The following E2F2 variants were observed in gnomAD, a reference collection of about 807,000 sequenced individuals.
E2F2 encodes E2F transcription factor 2.
E2F2 carries 22 observed loss-of-function variants against 42.2 expected under a neutral mutation model. The observed-to-expected ratio is 0.52, with a 90% CI of 0.37 to 0.74. The LOEUF (loss-of-function observed/expected upper bound fraction) is 0.74, where lower values mean the gene tolerates loss of function less well. Ranked by LOEUF, E2F2 falls within the 30% of genes least tolerant of loss-of-function variation. E2F2 has a pLI of 0.00. For missense variants in E2F2, 481 were observed against 557.8 expected, an observed-to-expected ratio of 0.86 and a Z score of 1.39; for synonymous variants, 248 against 251.6, an observed-to-expected ratio of 0.99 and a Z score of 0.13.
intron 5 of E2F2, among the ~76,000 whole-genome samples, chr1:23,518,744 G>T (rs1023467195): frequency 7.9e-5 from 12 of 152,218 alleles, no homozygotes; most frequent in Non-Finnish European, 1.5e-4. Context: ...ACGTGGGCAT[G>T]AGTGTGCATG....
intron 5 of E2F2, among the ~76,000 whole-genome samples, chr1:23,516,850 GCAGC>G (rs1230989163): frequency 6.7e-6 from 1 of 149,652 alleles, no homozygotes; most frequent in Non-Finnish European, 1.5e-5. Context: ...AGCTTGTGAC[GCAGC>G]CAGGAAAGTT....
chr1:23,524,114 C>T (rs1305765509), intron 2 of E2F2, among the ~76,000 whole-genome samples: 7 of 135,318 alleles, frequency 5.2e-5, no homozygotes, highest in Admixed American at 5.1e-4. Context: ...CAAAAAAAAA[C>T]ACAGAAGTAA....
intron 5 of E2F2, among the ~76,000 whole-genome samples, chr1:23,518,629 G>C (rs1643074058): frequency 6.6e-6 from 1 of 152,086 alleles, no homozygotes; most frequent in Admixed American, 6.6e-5. Flanking sequence ...GTCAGCTGGG[G>C]TCTCAGAGCA....
chr1:23,524,625 A>C (rs1053823150), intron 1 of E2F2, 137 bp from the exon 2 acceptor site: 2 of 645,546 alleles, frequency 3.1e-6, no homozygotes, highest in Admixed American at 3.0e-5. Context: ...CTGGTGAAGC[A>C]CTGCTGTACT....
In E2F2 at chr1:23,521,602, C is replaced by T. The variant is rs555301088; in HGVS notation, c.578+235G>A. The T allele has an allele frequency of 5.1e-6, 5 of 984,508 alleles. No individual in the cohort carries two copies. In the Admixed American group the frequency reaches 1.9e-4, roughly 36 times the overall value. 61.0% of individuals were successfully genotyped at this position (984,508 alleles called of 1,614,324 possible). ...AGATGTCATTCTCCACTCTGCCCCGCATCACGTTCTCCGATTACTTCAGCA... is the reference window on the plus strand; with the variant it reads ...AGATGTCATTCTCCACTCTGCCCCGTATCACGTTCTCCGATTACTTCAGCA... On this transcript the variant is annotated intron_variant, in intron 3 of 6. Transcript: ENST00000361729.
chr1:23,513,760 C>T (rs1234800952), intron 6 of E2F2, among the ~76,000 whole-genome samples: 1 of 152,012 alleles, frequency 6.6e-6, no homozygotes, highest in East Asian at 1.9e-4. Flanking sequence ...GAGCTGGCCC[C>T]ACCAGACTGC....
chr1:23,510,240 C>T (rs1450062876), intron 6 of E2F2, 92 bp from the exon 7 acceptor site: 5 of 1,436,092 alleles, frequency 3.5e-6, no homozygotes, highest in Admixed American at 2.8e-5. Flanking sequence ...ATGACTGCAC[C>T]CTTCTTCTCT....
rs1642871152 is a variant in E2F2, at chr1:23,509,789, T to C, written c.*91A>G. 6.9e-7 allele frequency: 1 copy of C among 1,451,384 alleles called. No individual in the cohort carries two copies. Among genetic ancestry groups the C allele is most frequent in the Non-Finnish European group, 9.1e-7 (1 of 1,099,332 alleles). 89.9% of individuals were successfully genotyped at this position (1,451,384 alleles called of 1,614,324 possible). On this transcript the variant is annotated 3_prime_UTR_variant, in exon 7 of 7. Coordinates refer to ENST00000361729, the MANE Select transcript of E2F2 (RefSeq NM_004091.4). ...CCCATGCCCTGAGGGCAGCACCTAG[T>C]GTCCAATGTCCCTGTGCAGGCAGAG...
At chr1:23,520,316 T>C (rs1021831782) in intron 4 of E2F2, among the ~76,000 whole-genome samples, 9 of 149,262 alleles carry the variant, frequency 6.0e-5, no homozygotes, top group South Asian at 4.2e-4. Context: ...TACAACTATA[T>C]TGAAATAAAA....
intron 3 of E2F2, 175 bp downstream of exon 3, chr1:23,521,662 C>T (rs1431564323): frequency 1.0e-6 from 1 of 985,332 alleles, no homozygotes; most frequent in Non-Finnish European, 1.2e-6. Flanking sequence ...TACATTGGCT[C>T]TACCCCCAGC....
At position 23,522,026 on chromosome 1, in the gene E2F2, T is replaced by C. The variant is rs1367486313; in HGVS notation, c.389A>G (p.Tyr130Cys). 4 of 1,614,008 alleles carry C rather than the reference T, an allele frequency of 2.5e-6. No individual in the cohort carries two copies. Among genetic ancestry groups the C allele is most frequent in the Non-Finnish European group, 3.4e-6 (4 of 1,180,034 alleles). ...TPKSPGEKTRYDTSLGLLTKK... is the reference protein window; with the variant it reads ...TPKSPGEKTRCDTSLGLLTKK... ...GGTGAGCAGCCCCAGCGAAGTGTCATACCGAGTCTTCTCCCCGGGGGATTT... is the reference window on the plus strand; with the variant it reads ...GGTGAGCAGCCCCAGCGAAGTGTCACACCGAGTCTTCTCCCCGGGGGATTT... The change falls in exon 3 of 7, where the codon TAT (tyrosine) becomes TGT (cysteine). Residue 130 changes from tyrosine (Y) to cysteine (C), a missense_variant. By Grantham distance (194) the Tyr-to-Cys change is radical. Transcript: ENST00000361729.
intron 3 of E2F2, 199 bp downstream of exon 3, chr1:23,521,638 G>C (rs937468546): frequency 2.0e-6 from 2 of 985,384 alleles, no homozygotes; most frequent in Non-Finnish European, 2.4e-6. Context: ...GGTACACGGC[G>C]CTCTTCCTCA....
At chr1:23,515,404 C>G (rs186163206) in intron 6 of E2F2, among the ~76,000 whole-genome samples, 7 of 152,282 alleles carry the variant, frequency 4.6e-5, no homozygotes, top group Admixed American at 3.9e-4. Context: ...GCCCCTTCTT[C>G]GATTTGATCT....
rs376853137 is a variant in E2F2, at chr1:23,524,385, T to C, written c.356A>G (p.Lys119Arg). The C allele has an allele frequency of 1.4e-5, 23 of 1,609,198 alleles. No individual in the cohort carries two copies. The African/African-American group carries it at 2.5e-4, about 18-fold the overall frequency. ...CIRVDGLPSP[K>R]TPKSPGEKTR... ...GAGGCCCCATCAGCACTGCTTACTT[T>C]TGGGGCTGGGGAGGCCATCCACTCT... The change falls in exon 2 of 7, where the codon AAA becomes AGA. Residue 119 changes from lysine (K) to arginine (R), a missense_variant and splice_region_variant. Transcript: ENST00000361729.
chr1:23,513,728 C>T (rs903435917), intron 6 of E2F2, among the ~76,000 whole-genome samples: 5 of 151,972 alleles, frequency 3.3e-5, no homozygotes, highest in East Asian at 1.9e-4. Flanking sequence ...TGACAAGGGT[C>T]GTGGGGACAG....
chr1:23,517,396 T>C (rs1329386211), intron 5 of E2F2, among the ~76,000 whole-genome samples: 1 of 152,210 alleles, frequency 6.6e-6, no homozygotes, highest in African/African-American at 2.4e-5. Context: ...TAAGACCTAG[T>C]TTAACTGTCC....
Position 23,509,739 on chromosome 1 carries a change from G to T in E2F2, c.*141C>A. On this transcript the variant is annotated 3_prime_UTR_variant, in exon 7 of 7. Transcript: ENST00000361729. ...ATATCTCCCCACACAGCTTCTGCCG[G>T]CTGGGGCAGGAAAGGCGAGGAGACC... 7.2e-7 allele frequency: 1 copy of T among 1,388,542 alleles called. No individual in the cohort carries two copies. 86.0% of individuals were successfully genotyped at this position (1,388,542 alleles called of 1,614,324 possible). A position where few individuals can be genotyped will look rare whatever the true frequency, so the allele number is the denominator to read the frequency against.
chr1:23,517,007 A>G (rs1643038156), intron 5 of E2F2, among the ~76,000 whole-genome samples: 1 of 152,088 alleles, frequency 6.6e-6, no homozygotes, highest in Non-Finnish European at 1.5e-5. Context: ...AGCTACCTCT[A>G]CCACCACAAG....
intron 6 of E2F2, among the ~76,000 whole-genome samples, chr1:23,511,663 C>A (rs550499663): frequency 6.6e-6 from 1 of 152,316 alleles, no homozygotes; most frequent in South Asian, 2.1e-4. Context: ...CTCCTTAAGC[C>A]CCAGCCAAGT....
Sources: allele counts gnomAD v4.1 joint callset (sites outside exome capture counted in the v4.1 genomes callset), GRCh38; gene constraint gnomAD v4.1.1; transcripts MANE v1.5; gene names NCBI Gene and HGNC (gene_info 2026-07-23, HGNC 2026-07-21).